SHANK2: variants seen among roughly 807,000 people sequenced by gnomAD.
SHANK2 encodes the protein SH3 and multiple ankyrin repeat domains 2.
A neutral mutation model predicts 133.7 loss-of-function variants in SHANK2; 43 were observed. The ratio of observed to expected loss-of-function variants is 0.32; its 90% CI spans 0.25 to 0.41. The LOEUF is 0.41. Ranked by LOEUF, SHANK2 falls within the 10% of genes least tolerant of loss-of-function variation. The probability of loss-of-function intolerance (pLI) is 1.00; values close to 1 mark genes in which losing one functional copy is unlikely to be tolerated. For synonymous variants in SHANK2, 1,017 were observed against 952.8 expected, an observed-to-expected ratio of 1.07 and a Z score of -1.24; for missense variants, 1,994 against 2,235.8, an observed-to-expected ratio of 0.89 and a Z score of 2.18.
At chr11:71,184,461 G>A (rs1953632050) in intron 2 of SHANK2, among the ~76,000 whole-genome samples, 1 of 152,146 alleles carries the variant, frequency 6.6e-6, no homozygotes, top group African/African-American at 2.4e-5. Context: ...GAATGTCGGG[G>A]CTGGGTTCAC....
intron 9 of SHANK2, among the ~76,000 whole-genome samples, chr11:71,063,896 C>G (rs998820197): frequency 2.0e-5 from 3 of 152,094 alleles, no homozygotes; most frequent in Non-Finnish European, 4.4e-5. Context: ...GCACTGTGCC[C>G]GCTGAGAACA....
chr11:70,849,300 C>T (rs1949048655), intron 11 of SHANK2, among the ~76,000 whole-genome samples: 1 of 152,200 alleles, frequency 6.6e-6, no homozygotes, highest in Non-Finnish European at 1.5e-5. Flanking sequence ...TATGTATACA[C>T]ATGCATGCAT....
chr11:71,116,592 G>A (rs898045068), intron 4 of SHANK2, among the ~76,000 whole-genome samples: 8 of 152,264 alleles, frequency 5.3e-5, no homozygotes, highest in Admixed American at 3.3e-4. Context: ...CTGTGCTGTT[G>A]AGAACAGCTG....
chr11:70,931,883 T>C (rs1950509117), intron 10 of SHANK2, among the ~76,000 whole-genome samples: 1 of 152,186 alleles, frequency 6.6e-6, no homozygotes, highest in African/African-American at 2.4e-5. Flanking sequence ...ATGTTTTTTA[T>C]AAAGAAAGAA....
At chr11:70,727,203 G>A (rs184072912) in intron 14 of SHANK2, among the ~76,000 whole-genome samples, 8 of 152,352 alleles carry the variant, frequency 5.3e-5, no homozygotes, top group East Asian at 3.9e-4. Context: ...CCTCTGGCAC[G>A]GAGCAGTTGT....
chr11:70,611,708 G>A (rs2060659608), intron 17 of SHANK2, among the ~76,000 whole-genome samples: 1 of 152,202 alleles, frequency 6.6e-6, no homozygotes, highest in Admixed American at 6.5e-5. Context: ...AAGATGGGAG[G>A]GTGTCCTGGT....
At chr11:71,180,353 C>T (rs996258913) in intron 2 of SHANK2, among the ~76,000 whole-genome samples, 10 of 152,102 alleles carry the variant, frequency 6.6e-5, no homozygotes, top group African/African-American at 1.9e-4. Flanking sequence ...GGAAAGAGAA[C>T]AGAGGAAGTG....
At chr11:70,806,678 A>G (rs1236267835) in intron 13 of SHANK2, among the ~76,000 whole-genome samples, 1 of 152,044 alleles carries the variant, frequency 6.6e-6, no homozygotes, top group Non-Finnish European at 1.5e-5. Flanking sequence ...CCACCCCGAC[A>G]CTTCAGACTT....
intron 17 of SHANK2, among the ~76,000 whole-genome samples, chr11:70,506,917 C>T (rs1419235063): frequency 2.0e-5 from 3 of 152,206 alleles, no homozygotes; most frequent in African/African-American, 7.2e-5. Context: ...AAACCATCCA[C>T]ACACATCCTA....
At chr11:70,521,418 C>A (rs2059328653) in intron 17 of SHANK2, among the ~76,000 whole-genome samples, 1 of 152,090 alleles carries the variant, frequency 6.6e-6, no homozygotes, top group Admixed American at 6.5e-5. Flanking sequence ...ATGTTCATTT[C>A]TATTATTTTG....
At chr11:71,083,290 TGAC>T (rs1485862183) in intron 8 of SHANK2, among the ~76,000 whole-genome samples, 5 of 151,916 alleles carry the variant, frequency 3.3e-5, no homozygotes, top group Non-Finnish European at 7.4e-5. Flanking sequence ...CACATGATGA[TGAC>T]AATGATGACA....
chr11:71,182,009 A>G (rs1042719533), intron 2 of SHANK2, among the ~76,000 whole-genome samples: 1 of 152,162 alleles, frequency 6.6e-6, no homozygotes, highest in East Asian at 1.9e-4. Context: ...GTCCCTCTCT[A>G]TCCCTGTCTC....
intron 11 of SHANK2, among the ~76,000 whole-genome samples, chr11:70,889,804 G>A (rs1445978857): frequency 6.6e-6 from 1 of 152,176 alleles, no homozygotes; most frequent in Non-Finnish European, 1.5e-5. Flanking sequence ...GGAGTGGGGT[G>A]GTTCAGAAGC....
intron 11 of SHANK2, among the ~76,000 whole-genome samples, chr11:70,890,487 A>C (rs10899627): frequency 0.017 from 359 of 21,600 alleles, 2 homozygotes; most frequent in Non-Finnish European, 0.083. Flanking sequence ...AAAAAAAAAA[A>C]CAAAAAAAAC....
chr11:70,581,180 T>C (rs2060179814), intron 17 of SHANK2, among the ~76,000 whole-genome samples: 1 of 152,180 alleles, frequency 6.6e-6, no homozygotes, highest in Admixed American at 6.5e-5. Context: ...AAGTCTAGCG[T>C]TTGAAGGGCA....
At chr11:71,116,294 A>T (rs1193594835) in intron 4 of SHANK2, among the ~76,000 whole-genome samples, 2 of 152,228 alleles carry the variant, frequency 1.3e-5, no homozygotes, top group East Asian at 3.8e-4. Flanking sequence ...AATGAGTGCA[A>T]TCGCTGAATG....
At chr11:70,892,328 CAG>C (rs139150450) in intron 11 of SHANK2, among the ~76,000 whole-genome samples, 2,678 of 151,954 alleles carry the variant, frequency 0.018, 82 homozygotes, top group African/African-American at 0.062. Flanking sequence ...GATGAGGAAG[CAG>C]AGAGGAGATA....
intron 7 of SHANK2, among the ~76,000 whole-genome samples, chr11:71,094,030 C>T (rs1239877900): frequency 6.6e-6 from 1 of 152,054 alleles, no homozygotes; most frequent in Non-Finnish European, 1.5e-5. Context: ...AGGGCAGGCT[C>T]CCACGGACCC....
intron 2 of SHANK2, among the ~76,000 whole-genome samples, chr11:71,149,926 G>GA (rs1952736153): frequency 3.2e-5 from 1 of 31,170 alleles, no homozygotes; most frequent in Non-Finnish European, 6.5e-5. Context: ...AAGGGAGGGA[G>GA]GGAGAGGAGG....
Sources: gnomAD v4.1 joint callset for allele counts (sites outside exome capture counted in the v4.1 genomes callset) on GRCh38, gnomAD v4.1.1 for gene constraint, MANE v1.5 for transcripts, NCBI Gene and HGNC (gene_info 2026-07-23, HGNC 2026-07-21) for gene names.